Variants in LRRC53 observed in about 807,000 individuals in gnomAD.
LRRC53 encodes leucine-rich repeat-containing protein 53.
Under a neutral mutation model 13.6 loss-of-function variants are expected in LRRC53, and 25 were observed. The observed-to-expected ratio is 1.83, with a 90% CI of 1.34 to 2.56. The LOEUF (loss-of-function observed/expected upper bound fraction) is 2.56. Ranked by LOEUF, LRRC53 falls within the 30% of genes most tolerant of loss-of-function variation. LRRC53 has a pLI of 0.00. For missense variants in LRRC53, 527 were observed against 275.8 expected (o/e 1.91, Z -6.45); for synonymous variants, 204 against 109.8 (o/e 1.86, Z -5.37).
At chr1:74,528,867 G>A in the LRRC53 span, among the ~76,000 whole-genome samples, 2 of 152,162 alleles carry the variant, frequency 1.3e-5, no homozygotes, top group Non-Finnish European at 2.9e-5. Flanking sequence ...GGCACTTGAA[G>A]AAATGACAGA....
chr1:74,491,461 C>T (rs941954033), intron 1 of LRRC53, among the ~76,000 whole-genome samples: 9 of 151,664 alleles, frequency 5.9e-5, no homozygotes, highest in Non-Finnish European at 1.2e-4. Flanking sequence ...AGGATGGTGT[C>T]GATCTCTTGA....
chr1:74,510,503 G>T (rs908394752), intron 1 of LRRC53, among the ~76,000 whole-genome samples: 1 of 152,012 alleles, frequency 6.6e-6, no homozygotes, highest in Non-Finnish European at 1.5e-5. Context: ...GTGAGACTCC[G>T]TCTCAAAAAA....
Position 74,475,362 on chromosome 1 carries a change from C to A in LRRC53, c.1353G>T (p.Lys451Asn). 1 of 716,046 alleles carries A rather than the reference C, an allele frequency of 1.4e-6. No individual in the cohort carries two copies. Among genetic ancestry groups the A allele is most frequent in the South Asian group, 1.5e-5 (1 of 67,434 alleles). The allele number at this position is 716,046 out of a possible 1,614,324, so 44.4% of individuals were successfully genotyped here. ...LTTYNPRKVQ[K>N]LWNLEPGEVQ... is the part of the protein sequence containing the mutation. The stretch of plus-strand genomic sequence containing the variant: ...CTTCTCCAGGCTCAAGATTCCATAG[C>A]TTTTGAACTTTCCTTGGATTATATG... The change falls in exon 4 of 5, where the codon AAG (lysine) becomes AAT (asparagine). Residue 451 changes from lysine (K) to asparagine (N), a missense_variant. Physicochemically the swap from Lys to Asn is moderately conservative, Grantham distance 94 (BLOSUM62 0). Transcript: ENST00000294635.
chr1:74,531,673 C>T, the LRRC53 span, among the ~76,000 whole-genome samples: 3 of 152,308 alleles, frequency 2.0e-5, no homozygotes, highest in Middle Eastern at 3.4e-3. Flanking sequence ...GCTGTTTCTC[C>T]ACCTTTTCTT....
intron 1 of LRRC53, among the ~76,000 whole-genome samples, chr1:74,484,914 A>T (rs1206658877): frequency 2.0e-5 from 3 of 152,202 alleles, no homozygotes; most frequent in Admixed American, 6.5e-5. Flanking sequence ...TAAGTAGCAA[A>T]AATAGGAGGC....
chr1:74,523,082 T>C, the LRRC53 span, among the ~76,000 whole-genome samples: 178 of 152,328 alleles, frequency 1.2e-3, no homozygotes, highest in African/African-American at 4.0e-3. Flanking sequence ...ATAGGTTCTG[T>C]CTGATTCCTC....
chr1:74,513,173 G>T (rs751443618), upstream of LRRC53, among the ~76,000 whole-genome samples: 3 of 152,316 alleles, frequency 2.0e-5, no homozygotes, highest in Non-Finnish European at 4.4e-5. Context: ...CTAAGATGAG[G>T]AAATGGTTGT....
At chr1:74,494,276 T>C (rs985539195) in intron 1 of LRRC53, among the ~76,000 whole-genome samples, 3 of 152,214 alleles carry the variant, frequency 2.0e-5, no homozygotes, top group Admixed American at 2.0e-4. Flanking sequence ...AGGGTTTCTA[T>C]ACAATCTACA....
Position 74,480,212 on chromosome 1 carries a change from T to A in LRRC53, c.845A>T (p.Asp282Val). 1.4e-6 allele frequency: 1 copy of A among 717,480 alleles called. No homozygotes were observed. The highest frequency in any genetic ancestry group is 1.5e-5 in the South Asian group (1 of 67,596). 44.4% of individuals were successfully genotyped at this position (717,480 alleles called of 1,614,324 possible). A position where few individuals can be genotyped will look rare whatever the true frequency, so the allele number is the denominator to read the frequency against. The change falls in exon 3 of 5, where the codon GAC becomes GTC. Residue 282 changes from aspartate to valine, a missense_variant. Coordinates refer to ENST00000294635, the MANE Select transcript of LRRC53 (RefSeq NM_001382280.1). Reference protein sequence around the residue: ...KAPNFTLVLKDRSPLLPGPDV... With the variant: ...KAPNFTLVLKVRSPLLPGPDV... ...TGGTCCTGGGAGGAGGGGACTTCTG[T>A]CCTTTAGAACCAGAGTGAAGTTGGG...
At chr1:74,483,573 A>C (rs1668605525) in intron 1 of LRRC53, among the ~76,000 whole-genome samples, 198 bp from the exon 2 acceptor site, 1 of 152,224 alleles carries the variant, frequency 6.6e-6, no homozygotes, top group African/African-American at 2.4e-5. Flanking sequence ...GCATTTGACT[A>C]TAAATTCAGA....
At position 74,470,301 on chromosome 1, in the gene LRRC53, G is replaced by A. The variant is rs887314258; in HGVS notation, c.3321C>T (p.Gly1107=). 7 of 400,482 alleles carry A rather than the reference G, an allele frequency of 1.7e-5. 1 individual carries two copies. The highest frequency in any genetic ancestry group is 3.1e-5 in the Non-Finnish European group (7 of 226,132). The allele number at this position is 400,482 out of a possible 1,614,324, so 24.8% of individuals were successfully genotyped here. The stretch of plus-strand genomic sequence containing the variant: ...AAGTTTGCTGCCTTTCTTTTGTGAT[G>A]CCTTTTAAGGTCATTTGTGAGATCT... ...LTQISQMTLK[G]ITKERQQTWE... The change falls in exon 5 of 5, where the codon GGC becomes GGT. Residue 1107 remains glycine, a synonymous_variant. Coordinates refer to ENST00000294635, the MANE Select transcript of LRRC53 (RefSeq NM_001382280.1).
the LRRC53 span, among the ~76,000 whole-genome samples, chr1:74,521,173 G>A: frequency 2.6e-5 from 4 of 152,202 alleles, no homozygotes; most frequent in African/African-American, 9.6e-5. Context: ...TGGAGGTTGT[G>A]TATTGTAGTT....
At chr1:74,499,718 G>C (rs1251265369) in intron 1 of LRRC53, among the ~76,000 whole-genome samples, 1 of 152,118 alleles carries the variant, frequency 6.6e-6, no homozygotes, top group East Asian at 1.9e-4. Context: ...AGATATTTAA[G>C]CCTATAGGTC....
the LRRC53 span, among the ~76,000 whole-genome samples, chr1:74,530,582 C>T: frequency 3.3e-5 from 5 of 152,162 alleles, no homozygotes; most frequent in Admixed American, 2.6e-4. Flanking sequence ...GTCTTGATTT[C>T]ACTACAACCT....
the LRRC53 span, among the ~76,000 whole-genome samples, chr1:74,529,520 A>C: frequency 6.6e-6 from 1 of 152,246 alleles, no homozygotes; most frequent in African/African-American, 2.4e-5. Context: ...ATTCTGAATT[A>C]GATTCTTTTG....
At chr1:74,481,616 T>C (rs1235014496) in intron 2 of LRRC53, among the ~76,000 whole-genome samples, 2 of 152,218 alleles carry the variant, frequency 1.3e-5, no homozygotes, top group African/African-American at 4.8e-5. Flanking sequence ...CTGTCTAATA[T>C]CTGTTCCCTC....
chr1:74,526,326 T>A, the LRRC53 span, among the ~76,000 whole-genome samples: 1 of 152,180 alleles, frequency 6.6e-6, no homozygotes, highest in Non-Finnish European at 1.5e-5. Context: ...TGGGCTCCAA[T>A]CTAGTTGCTG....
chr1:74,493,781 A>G lies in LRRC53; in HGVS notation c.-26-10406T>C, dbSNP rs1446121462. 2.6e-5 allele frequency among the ~76,000 whole-genome samples: 4 copies of G among 152,204 alleles called. No individual in the cohort carries two copies. In the East Asian group the frequency reaches 5.8e-4, roughly 22 times the overall value. Reference sequence around the variant, plus strand: ...TCTCACAGACAAAGGCTAGTAACTCAAGAGGACAAGCCCAAATTTACATGC... The same window carrying G: ...TCTCACAGACAAAGGCTAGTAACTCGAGAGGACAAGCCCAAATTTACATGC... On this transcript the variant is annotated intron_variant, in intron 1 of 4. Transcript: ENST00000294635.
intron 1 of LRRC53, chr1:74,491,963 G>T (rs1669098744): frequency 5.3e-6 from 7 of 1,313,440 alleles, no homozygotes; most frequent in Non-Finnish European, 4.0e-6. Flanking sequence ...GAAAGGAAAA[G>T]CCAGGAGCAA....
Sources: gnomAD v4.1 joint callset for allele counts (sites outside exome capture counted in the v4.1 genomes callset) on GRCh38, gnomAD v4.1.1 for gene constraint, MANE v1.5 for transcripts, NCBI Gene and HGNC (gene_info 2026-07-23, HGNC 2026-07-21) for gene names.